The following HERC3 variants were observed in gnomAD, a reference collection of about 807,000 sequenced individuals.
HERC3 encodes the protein HECT and RLD domain containing E3 ubiquitin protein ligase 3, also known as probable E3 ubiquitin-protein ligase HERC3.
A neutral mutation model predicts 129.9 loss-of-function variants in HERC3; 58 were observed. The ratio of observed to expected loss-of-function variants is 0.45; its 90% CI spans 0.36 to 0.56. The LOEUF (loss-of-function observed/expected upper bound fraction) is 0.56. HERC3 is among the 20% of genes least tolerant of loss of function. The pLI is 0.00. For synonymous variants in HERC3, 430 were observed against 451.0 expected (o/e 0.95, Z 0.59); for missense variants, 835 against 1,244.2 (o/e 0.67, Z 4.95).
At chr4:88,683,656 G>C (rs1733063400) in intron 21 of HERC3, among the ~76,000 whole-genome samples, 1 of 152,226 alleles carries the variant, frequency 6.6e-6, no homozygotes, top group Non-Finnish European at 1.5e-5. Flanking sequence ...AAGAAAGTGT[G>C]AATGAGAGCT....
intron 25 of HERC3, among the ~76,000 whole-genome samples, chr4:88,705,081 C>T (rs960354081): frequency 7.9e-5 from 12 of 152,112 alleles, no homozygotes; most frequent in Non-Finnish European, 1.0e-4. Context: ...GACTGGTCCT[C>T]GTCTTGAACT....
chr4:88,653,859 A>T (rs896834572), intron 6 of HERC3, among the ~76,000 whole-genome samples, 183 bp from the exon 7 acceptor site: 1 of 152,116 alleles, frequency 6.6e-6, no homozygotes, highest in South Asian at 2.1e-4. Context: ...GTGTAGGGAA[A>T]CCATGAGGTA....
the HERC3 span, among the ~76,000 whole-genome samples, chr4:88,556,411 T>C: frequency 1.3e-5 from 2 of 152,220 alleles, no homozygotes; most frequent in Non-Finnish European, 2.9e-5. Context: ...CAAATACTCT[T>C]ATTTTGAAAG....
At chr4:88,585,846 TTTTC>T in the HERC3 span, among the ~76,000 whole-genome samples, 1 of 152,182 alleles carries the variant, frequency 6.6e-6, no homozygotes, top group Admixed American at 6.5e-5. Flanking sequence ...ATTTTAACAT[TTTTC>T]TTTGTTTGTA....
At chr4:88,670,599 G>A (rs1439244751) in intron 16 of HERC3, among the ~76,000 whole-genome samples, 2 of 152,106 alleles carry the variant, frequency 1.3e-5, no homozygotes, top group African/African-American at 4.8e-5. Context: ...TATAGCTTCA[G>A]TTTTGCAAGA....
chr4:88,653,096 T>G lies in HERC3; in HGVS notation c.685+6T>G. The G allele has an allele frequency of 6.2e-7, 1 of 1,613,478 alleles. No homozygotes were observed. Among genetic ancestry groups the G allele is most frequent in the East Asian group, 2.2e-5 (1 of 44,880 alleles). ...AGGGCTCAGTGATGAAAAAGGTAGG[T>G]AAACCCTTCATATGTATGTATTTAG... is the stretch of plus-strand genomic sequence containing the variant. On this transcript the variant is annotated splice_donor_region_variant and intron_variant, in intron 6 of 25. Transcript: ENST00000402738.
upstream of HERC3, among the ~76,000 whole-genome samples, chr4:88,591,847 C>G (rs1721727404): frequency 6.6e-6 from 1 of 152,140 alleles, no homozygotes; most frequent in South Asian, 2.1e-4. Flanking sequence ...CTATGCTCCC[C>G]CCGGGTCCAC....
chr4:88,657,432 G>T (rs1730028928), intron 9 of HERC3: 2 of 152,158 alleles, frequency 1.3e-5, no homozygotes, highest in South Asian at 4.1e-4. Flanking sequence ...AGAAGCAAAA[G>T]AATGGCTTTG....
chr4:88,608,729 A>G (rs1405469509), intron 3 of HERC3, among the ~76,000 whole-genome samples: 2 of 152,146 alleles, frequency 1.3e-5, no homozygotes, highest in African/African-American at 4.8e-5. Flanking sequence ...AAGCTCCTAA[A>G]TGTGCCCTCT....
At chr4:88,610,043 C>T (rs371799482) in intron 3 of HERC3, among the ~76,000 whole-genome samples, 153 of 152,278 alleles carry the variant, frequency 1.0e-3, no homozygotes, top group African/African-American at 3.5e-3. Context: ...AGCTCACTCT[C>T]GTGGCCATTT....
At chr4:88,605,219 T>G (rs1453785370) in intron 2 of HERC3, among the ~76,000 whole-genome samples, 6 of 152,110 alleles carry the variant, frequency 3.9e-5, no homozygotes, top group African/African-American at 7.2e-5. Context: ...AAGTAGGAAG[T>G]GAGGCTTGAC....
intron 3 of HERC3, among the ~76,000 whole-genome samples, chr4:88,631,589 T>A (rs1726765060): frequency 6.6e-6 from 1 of 152,240 alleles, no homozygotes; most frequent in South Asian, 2.1e-4. Context: ...CAAGTGAGTG[T>A]TTGATATGTT....
the HERC3 span, among the ~76,000 whole-genome samples, chr4:88,556,588 C>T: frequency 5.3e-4 from 81 of 152,304 alleles, no homozygotes; most frequent in Middle Eastern, 3.4e-3. Flanking sequence ...AATTCTACCT[C>T]TTCATCCTAG....
rs557805352 is a variant in HERC3, at chr4:88,636,955, C to T, written c.227-12885C>T. Among the ~76,000 whole-genome samples the T allele has an allele frequency of 3.9e-5, 6 of 152,116 alleles. No individual in the cohort carries two copies. In the East Asian group the frequency reaches 1.2e-3, roughly 29 times the overall value. On this transcript the variant is annotated intron_variant, in intron 3 of 25. Transcript: ENST00000402738. ...GTTCAGCCTGGGCAAAACAGCGAAA[C>T]CCCATCTCTACTAAAATACAAAAAT...
At chr4:88,673,784 T>G (rs910584145) in intron 16 of HERC3, among the ~76,000 whole-genome samples, 1 of 152,232 alleles carries the variant, frequency 6.6e-6, no homozygotes, top group Non-Finnish European at 1.5e-5. Flanking sequence ...ATACAAAAAC[T>G]TACAGACTTA....
the HERC3 span, among the ~76,000 whole-genome samples, chr4:88,533,362 A>G: frequency 2.0e-4 from 31 of 152,204 alleles, no homozygotes; most frequent in African/African-American, 6.8e-4. Flanking sequence ...ACACCCTCAC[A>G]GACACACCCA....
rs189262743 is a variant in HERC3 at position 88,671,785 on chromosome 4, A to T, written c.1911+1533A>T. Among the ~76,000 whole-genome samples, 233 of 152,250 alleles carry T rather than the reference A, an allele frequency of 1.5e-3. 1 individual carries two copies. Among genetic ancestry groups the T allele is most frequent in the South Asian group, 4.1e-3 (20 of 4,824 alleles). Reference sequence around the variant, plus strand: ...GTGATTCACCAGCCTCGGCCTCCCAAAGTGCTGGGATTACAGGGGTAAGCC... The same window carrying T: ...GTGATTCACCAGCCTCGGCCTCCCATAGTGCTGGGATTACAGGGGTAAGCC... On this transcript the variant is annotated intron_variant, in intron 16 of 25. Transcript: ENST00000402738.
At chr4:88,594,503 A>T (rs372205569) in intron 1 of HERC3, among the ~76,000 whole-genome samples, 1 of 152,116 alleles carries the variant, frequency 6.6e-6, no homozygotes, top group South Asian at 2.1e-4. Context: ...TCCCAGGCTC[A>T]AGCGAATCTG....
At chr4:88,643,667 TG>T (rs1440370058) in intron 3 of HERC3, among the ~76,000 whole-genome samples, 1 of 152,156 alleles carries the variant, frequency 6.6e-6, no homozygotes, top group Non-Finnish European at 1.5e-5. Context: ...CAAAGGGTAG[TG>T]GAACACTTGG....
Sources: allele counts gnomAD v4.1 joint callset (sites outside exome capture counted in the v4.1 genomes callset), GRCh38; gene constraint gnomAD v4.1.1; transcripts MANE v1.5; gene names NCBI Gene and HGNC (gene_info 2026-07-23, HGNC 2026-07-21).